Variants in SLC71A2 observed in about 807,000 individuals in gnomAD.
SLC71A2 encodes solute carrier family 71 member 2.
the SLC71A2 span, among the ~76,000 whole-genome samples, chr9:94,427,643 A>G: frequency 2.3e-5 from 3 of 132,646 alleles, no homozygotes; most frequent in African/African-American, 6.2e-5. Context: ...CTTTGACAGC[A>G]TGAGAGAACC....
the SLC71A2 span, among the ~76,000 whole-genome samples, chr9:94,385,737 T>C: frequency 6.6e-6 from 1 of 152,242 alleles, no homozygotes; most frequent in Non-Finnish European, 1.5e-5. Flanking sequence ...TCCCACACTG[T>C]TTTGATCACT....
chr9:94,424,383 C>T, the SLC71A2 span, among the ~76,000 whole-genome samples: 2 of 151,734 alleles, frequency 1.3e-5, no homozygotes, highest in African/African-American at 4.8e-5. Flanking sequence ...AACAGGCATG[C>T]ACCACCATGC....
chr9:94,399,953 G>GT, the SLC71A2 span, among the ~76,000 whole-genome samples: 1 of 151,962 alleles, frequency 6.6e-6, no homozygotes, highest in East Asian at 1.9e-4. Context: ...TTACAGGCGT[G>GT]TGCCACCACG....
At chr9:94,377,909 A>G in the SLC71A2 span, among the ~76,000 whole-genome samples, 1 of 152,162 alleles carries the variant, frequency 6.6e-6, no homozygotes, top group Non-Finnish European at 1.5e-5. Flanking sequence ...GATCAAGACC[A>G]TCCTGGCCAA....
chr9:94,385,714 A>G, the SLC71A2 span, among the ~76,000 whole-genome samples: 282 of 152,290 alleles, frequency 1.9e-3, no homozygotes, highest in African/African-American at 6.4e-3. Flanking sequence ...GTGTATGTCT[A>G]TCCTTAAGCA....
At chr9:94,427,798 G>A in the SLC71A2 span, among the ~76,000 whole-genome samples, 9 of 147,082 alleles carry the variant, frequency 6.1e-5, no homozygotes, top group East Asian at 1.6e-3. Flanking sequence ...ATAGAAGGGA[G>A]AATGTGGGAC....
the SLC71A2 span, among the ~76,000 whole-genome samples, chr9:94,414,860 A>G: frequency 6.6e-6 from 1 of 152,104 alleles, no homozygotes; most frequent in East Asian, 1.9e-4. Flanking sequence ...GGGTTTCACT[A>G]TGTTAACCAT....
At chr9:94,436,664 A>G in the SLC71A2 span, among the ~76,000 whole-genome samples, 1 of 152,088 alleles carries the variant, frequency 6.6e-6, no homozygotes, top group African/African-American at 2.4e-5. Flanking sequence ...GTATTTCCCC[A>G]GACAATGAAG....
chr9:94,441,175 G>GTTTA, the SLC71A2 span: 2 of 743,938 alleles, frequency 2.7e-6, no homozygotes, highest in African/African-American at 3.6e-5. Flanking sequence ...TGGAAAGTGA[G>GTTTA]TTTATTAGTC....
the SLC71A2 span, chr9:94,454,116 C>G: frequency 7.5e-7 from 1 of 1,328,796 alleles, no homozygotes; most frequent in Non-Finnish European, 1.1e-6. Context: ...ACAGATGCCT[C>G]TTAGAGGAGC....
At chr9:94,423,842 G>A in the SLC71A2 span, among the ~76,000 whole-genome samples, 2 of 152,118 alleles carry the variant, frequency 1.3e-5, no homozygotes, top group African/African-American at 4.8e-5. Context: ...TTCTCTTAAT[G>A]CCTTTGGATG....
chr9:94,439,023 T>TTTTTTC, the SLC71A2 span, among the ~76,000 whole-genome samples: 1 of 49,424 alleles, frequency 2.0e-5, no homozygotes, highest in Non-Finnish European at 3.9e-5. Context: ...TTTGAGTTCG[T>TTTTTTC]TTTTTTTTTT....
At chr9:94,453,043 G>A in the SLC71A2 span, among the ~76,000 whole-genome samples, 2 of 151,480 alleles carry the variant, frequency 1.3e-5, no homozygotes, top group African/African-American at 2.4e-5. Flanking sequence ...AACAAAGGCC[G>A]TTTATATTTT....
chr9:94,443,416 C>T, the SLC71A2 span, among the ~76,000 whole-genome samples: 2 of 152,136 alleles, frequency 1.3e-5, no homozygotes, highest in South Asian at 2.1e-4. Context: ...CATTTTGAGA[C>T]CCATTAAAGA....
chr9:94,417,261 G>A, the SLC71A2 span, among the ~76,000 whole-genome samples: 2 of 152,108 alleles, frequency 1.3e-5, no homozygotes, highest in South Asian at 2.1e-4. Context: ...CAGTTCAGTA[G>A]TATTAGATAC....
At chr9:94,388,053 C>T in the SLC71A2 span, among the ~76,000 whole-genome samples, 59 of 152,176 alleles carry the variant, frequency 3.9e-4, no homozygotes, top group African/African-American at 1.3e-3. Context: ...ATCTTTTGCA[C>T]GTAATGTAGA....
chr9:94,432,754 A>C, the SLC71A2 span: 1 of 363,182 alleles, frequency 2.8e-6, no homozygotes, highest in Non-Finnish European at 5.6e-6. Flanking sequence ...AGTCAACCAC[A>C]GTTGAGCCAA....
the SLC71A2 span, among the ~76,000 whole-genome samples, chr9:94,428,934 T>G: frequency 6.6e-6 from 1 of 151,752 alleles, no homozygotes; most frequent in African/African-American, 2.4e-5. Context: ...ATATGTAGCC[T>G]TTTCAGATTG....
chr9:94,444,333 CAG>C, the SLC71A2 span, among the ~76,000 whole-genome samples: 1 of 152,156 alleles, frequency 6.6e-6, no homozygotes, highest in African/African-American at 2.4e-5. Context: ...CAGGTGGTGA[CAG>C]AGAGACAGAA....
Sources: allele counts gnomAD v4.1 joint callset (sites outside exome capture counted in the v4.1 genomes callset), GRCh38; gene constraint gnomAD v4.1.1; transcripts MANE v1.5; gene names NCBI Gene and HGNC (gene_info 2026-07-23, HGNC 2026-07-21).